The following TBCA variants were observed in gnomAD, a reference collection of about 807,000 sequenced individuals.
TBCA encodes the protein tubulin folding cofactor A, also known as tubulin-specific chaperone A.
A neutral mutation model predicts 15.8 loss-of-function variants in TBCA; 6 were observed. The observed-to-expected ratio is 0.38, with a 90% CI of 0.21 to 0.75. The LOEUF (loss-of-function observed/expected upper bound fraction) is 0.75, where lower values mean the gene tolerates loss of function less well. Ranked by LOEUF, TBCA falls within the 30% of genes least tolerant of loss-of-function variation. The probability of loss-of-function intolerance (pLI) is 0.46; values close to 1 mark genes in which losing one functional copy is unlikely to be tolerated. For synonymous variants in TBCA, 32 were observed against 42.3 expected (o/e 0.76, Z 0.94); for missense variants, 90 against 131.2 (o/e 0.69, Z 1.53).
intron 2 of TBCA, among the ~76,000 whole-genome samples, chr5:77,703,700 C>T (rs1746075805): frequency 6.6e-6 from 1 of 152,090 alleles, no homozygotes; most frequent in African/African-American, 2.4e-5. Context: ...CCTCAGCCTC[C>T]CAGGTGGCTG....
intron 1 of TBCA, among the ~76,000 whole-genome samples, chr5:77,738,523 C>T (rs1337080715): frequency 2.6e-5 from 4 of 152,190 alleles, no homozygotes; most frequent in Non-Finnish European, 5.9e-5. Context: ...ACATGGCCTG[C>T]CCACTAGGCT....
chr5:77,775,692 T>C (rs901620023), intron 1 of TBCA, among the ~76,000 whole-genome samples: 1 of 152,216 alleles, frequency 6.6e-6, no homozygotes, highest in Non-Finnish European at 1.5e-5. Flanking sequence ...TCTCAAAGCC[T>C]GCCAGTCACG....
chr5:77,750,409 T>C lies in TBCA; in HGVS notation c.53+25796A>G, dbSNP rs562400402. The stretch of plus-strand genomic sequence containing the variant: ...TTTGTGCCAGGGCTCTGGGGATGTG[T>C]TCCTGACTCACGAAGTTTATACTAG... On this transcript the variant is annotated intron_variant, in intron 1 of 3. Coordinates refer to ENST00000380377, the MANE Select transcript of TBCA (RefSeq NM_004607.3). Among the ~76,000 whole-genome samples, 19 of 152,260 alleles carry C rather than the reference T, an allele frequency of 1.2e-4. No homozygotes were observed. In the South Asian group the frequency reaches 3.7e-3, roughly 30 times the overall value.
Position 77,708,249 on chromosome 5 carries a change from T to C in TBCA, c.152A>G (p.Lys51Arg), listed in dbSNP as rs749097167. ...TTTATGATATAATTTTACCTGCTTTTTAATGTCATAATTTTCACCGTCTTC... is the reference window on the plus strand; with the variant it reads ...TTTATGATATAATTTTACCTGCTTTCTAATGTCATAATTTTCACCGTCTTC... ...RAEDGENYDI[K>R]KQAEILQESR... The change falls in exon 2 of 4, where the codon AAA becomes AGA. Residue 51 changes from lysine to arginine, a missense_variant. Transcript: ENST00000380377. 1 of 1,603,188 alleles carries C rather than the reference T, an allele frequency of 6.2e-7. No homozygotes were observed. Among genetic ancestry groups the C allele is most frequent in the Non-Finnish European group, 8.5e-7 (1 of 1,173,362 alleles).
intron 1 of TBCA, among the ~76,000 whole-genome samples, chr5:77,751,355 T>C (rs899804873): frequency 1.8e-4 from 27 of 151,708 alleles, no homozygotes; most frequent in African/African-American, 5.8e-4. Context: ...GTAAAGACAA[T>C]TTTTTGTATT....
intron 1 of TBCA, among the ~76,000 whole-genome samples, chr5:77,733,924 T>C (rs1746835467): frequency 6.6e-6 from 1 of 152,242 alleles, no homozygotes; most frequent in Non-Finnish European, 1.5e-5. Context: ...ATGCAGCTAG[T>C]ACTTTAAGTT....
At chr5:77,728,354 A>C (rs1746677507) in intron 1 of TBCA, among the ~76,000 whole-genome samples, 1 of 152,192 alleles carries the variant, frequency 6.6e-6, no homozygotes. Flanking sequence ...CCTTATTCAG[A>C]ACAGTTATTC....
At chr5:77,772,083 TA>T (rs1428714735) in intron 1 of TBCA, among the ~76,000 whole-genome samples, 291 of 138,498 alleles carry the variant, frequency 2.1e-3, no homozygotes, top group East Asian at 4.5e-3. Flanking sequence ...AACCATTGAT[TA>T]AAAAAAAAAA....
chr5:77,701,813 G>C (rs1013667774), intron 2 of TBCA, among the ~76,000 whole-genome samples: 4 of 148,550 alleles, frequency 2.7e-5, no homozygotes, highest in African/African-American at 1.0e-4. Flanking sequence ...TCTAAGTGAG[G>C]TAACTCAGTA....
intron 3 of TBCA, 162 bp downstream of exon 3, chr5:77,693,104 C>G: frequency 6.8e-7 from 1 of 1,477,412 alleles, no homozygotes; most frequent in East Asian, 2.5e-5. Context: ...ATTCAAAACA[C>G]AATTTAAACT....
chr5:77,760,571 C>T (rs935886985), intron 1 of TBCA, among the ~76,000 whole-genome samples: 8 of 152,162 alleles, frequency 5.3e-5, no homozygotes, highest in Non-Finnish European at 8.8e-5. Context: ...TACAGGCACG[C>T]GCCACCACGC....
intron 3 of TBCA, chr5:77,692,968 G>C (rs960416986): frequency 1.5e-6 from 2 of 1,327,680 alleles, no homozygotes; most frequent in Admixed American, 7.4e-5. Context: ...CTTTATGTAT[G>C]AAAACCAAAT....
chr5:77,712,591 T>C (rs1176267237), intron 1 of TBCA, among the ~76,000 whole-genome samples: 1 of 152,146 alleles, frequency 6.6e-6, no homozygotes, highest in Non-Finnish European at 1.5e-5. Context: ...AACAAAATTT[T>C]AAAAATCACT....
At chr5:77,761,697 C>CTT (rs79222866) in intron 1 of TBCA, among the ~76,000 whole-genome samples, 7 of 142,478 alleles carry the variant, frequency 4.9e-5, no homozygotes, top group Admixed American at 7.0e-5. Context: ...AATTTAATCA[C>CTT]TTTTTTTTTT....
intron 1 of TBCA, among the ~76,000 whole-genome samples, chr5:77,760,993 C>T (rs1747614681): frequency 6.7e-6 from 1 of 150,206 alleles, no homozygotes; most frequent in Non-Finnish European, 1.5e-5. Flanking sequence ...CTCTGCCCGG[C>T]CGCCACCCCG....
At position 77,752,645 on chromosome 5, in the gene TBCA, G is replaced by A. The variant is rs1425448689; in HGVS notation, c.53+23560C>T. ...GCAATCTCGGCTCACTGCAAGCTCC[G>A]CTTCCCGGGTTCACGCCATTCTCCT... On this transcript the variant is annotated intron_variant, in intron 1 of 3. Coordinates refer to ENST00000380377, the MANE Select transcript of TBCA (RefSeq NM_004607.3). Among the ~76,000 whole-genome samples, 84 of 97,540 alleles carry A rather than the reference G, an allele frequency of 8.6e-4. 23 individuals are homozygous for A. The highest frequency in any genetic ancestry group is 1.2e-3 in the Non-Finnish European group (54 of 44,522). The allele number at this position is 97,540 out of a possible 152,430, so 64.0% of individuals were successfully genotyped here.
chr5:77,766,977 G>A (rs1747793350), intron 1 of TBCA, among the ~76,000 whole-genome samples: 1 of 152,142 alleles, frequency 6.6e-6, no homozygotes, highest in East Asian at 1.9e-4. Context: ...CTTTGGTCCT[G>A]AAAAGACGTG....
chr5:77,691,723 C>CCTG, intron 3 of TBCA: 2 of 1,208,658 alleles, frequency 1.7e-6, no homozygotes, highest in Non-Finnish European at 1.0e-6. Flanking sequence ...TGTATATATT[C>CCTG]TCATAAAATA....
At chr5:77,745,434 T>C (rs899910586) in intron 1 of TBCA, among the ~76,000 whole-genome samples, 33 of 152,228 alleles carry the variant, frequency 2.2e-4, no homozygotes, top group African/African-American at 7.0e-4. Flanking sequence ...GTCACAACTT[T>C]AGTTTTTCTT....
Sources: gnomAD v4.1 joint callset for allele counts (sites outside exome capture counted in the v4.1 genomes callset) on GRCh38, gnomAD v4.1.1 for gene constraint, MANE v1.5 for transcripts, NCBI Gene and HGNC (gene_info 2026-07-23, HGNC 2026-07-21) for gene names.